The following HEATR4 variants were observed in gnomAD, a reference collection of about 807,000 sequenced individuals.
HEATR4 encodes the protein HEAT repeat containing 4.
Under a neutral mutation model 108.8 loss-of-function variants are expected in HEATR4, and 95 were observed. The observed-to-expected ratio is 0.87, with a 90% CI of 0.74 to 1.04. The LOEUF is 1.04. HEATR4 is among the 50% of genes least tolerant of loss of function. The pLI, the probability that HEATR4 is intolerant of heterozygous loss-of-function variation, is 0.00. For synonymous variants in HEATR4, 443 were observed against 459.4 expected (o/e 0.96, Z 0.46); for missense variants, 1,152 against 1,253.8 (o/e 0.92, Z 1.23).
the HEATR4 span, among the ~76,000 whole-genome samples, chr14:73,628,834 C>T: frequency 4.6e-5 from 7 of 151,828 alleles, no homozygotes; most frequent in East Asian, 3.9e-4. Context: ...GGTGGATGAC[C>T]GGAGGTCAGG....
At chr14:73,580,748 T>C in the HEATR4 span, 1 of 151,990 alleles carries the variant, frequency 6.6e-6, no homozygotes, top group South Asian at 2.1e-4. Flanking sequence ...GGTGTGTACT[T>C]AACAAGCATC....
intron 1 of HEATR4, among the ~76,000 whole-genome samples, chr14:73,558,282 A>G (rs369238828): frequency 0.073 from 9,377 of 128,080 alleles, 621 homozygotes; most frequent in African/African-American, 0.14. Context: ...CTAATTTTTT[A>G]CCATGCACTC....
intron 17 of HEATR4, chr14:73,491,852 G>C (rs1885775088): frequency 6.2e-7 from 1 of 1,609,658 alleles, no homozygotes; most frequent in Non-Finnish European, 8.5e-7. Flanking sequence ...GAACCCACCC[G>C]GCCGCGCGCT....
chr14:73,590,939 C>T, the HEATR4 span, among the ~76,000 whole-genome samples: 1 of 152,158 alleles, frequency 6.6e-6, no homozygotes, highest in Admixed American at 6.5e-5. Context: ...GCGCCAAGGC[C>T]GAGGAGGCGC....
intron 16 of HEATR4, among the ~76,000 whole-genome samples, chr14:73,495,026 A>C (rs1886019597): frequency 6.7e-6 from 1 of 149,266 alleles, no homozygotes; most frequent in South Asian, 2.1e-4. Context: ...TTTAAGGGAG[A>C]AAATAAATGA....
At chr14:73,590,399 G>A in the HEATR4 span, among the ~76,000 whole-genome samples, 3 of 152,254 alleles carry the variant, frequency 2.0e-5, no homozygotes, top group Non-Finnish European at 4.4e-5. Context: ...CCAGACTCAG[G>A]AGTCCAGCTG....
chr14:73,593,842 A>G, the HEATR4 span: 1 of 1,614,090 alleles, frequency 6.2e-7, no homozygotes, highest in Non-Finnish European at 8.5e-7. Flanking sequence ...CCCCAATAAC[A>G]TGGACAACAT....
chr14:73,595,807 T>G, the HEATR4 span: 1 of 931,638 alleles, frequency 1.1e-6, no homozygotes, highest in Non-Finnish European at 1.5e-6. Context: ...GCTTTGTCGT[T>G]AGTTTTACTA....
At chr14:73,609,970 C>CT in the HEATR4 span, among the ~76,000 whole-genome samples, 50 of 146,384 alleles carry the variant, frequency 3.4e-4, no homozygotes, top group African/African-American at 8.0e-4. Context: ...TTCCTCTACC[C>CT]TTTTTTTTTT....
chr14:73,587,869 C>T, the HEATR4 span, among the ~76,000 whole-genome samples: 1 of 152,222 alleles, frequency 6.6e-6, no homozygotes. Flanking sequence ...TGTTTTCCAA[C>T]ACATATTTTA....
chr14:73,488,355 C>G (rs1885532090), intron 17 of HEATR4, among the ~76,000 whole-genome samples: 2 of 152,154 alleles, frequency 1.3e-5, no homozygotes, highest in South Asian at 2.1e-4. Flanking sequence ...ACTGCGACCT[C>G]CACTTCCCGG....
At chr14:73,493,735 G>T (rs1292846346) in intron 16 of HEATR4, among the ~76,000 whole-genome samples, 2 of 152,180 alleles carry the variant, frequency 1.3e-5, no homozygotes, top group African/African-American at 4.8e-5. Context: ...CTACTAGGGG[G>T]GCTGAGGCAG....
the HEATR4 span, among the ~76,000 whole-genome samples, chr14:73,578,202 G>T: frequency 2.0e-5 from 3 of 149,864 alleles, no homozygotes; most frequent in African/African-American, 4.9e-5. Context: ...CAGGGGTTCA[G>T]ATCACCTATC....
At chr14:73,487,302 C>T (rs887370851) in intron 17 of HEATR4, among the ~76,000 whole-genome samples, 2 of 151,564 alleles carry the variant, frequency 1.3e-5, no homozygotes, top group Admixed American at 6.6e-5. Context: ...CACAGTGGCT[C>T]GCGCCTGTAA....
intron 9 of HEATR4, among the ~76,000 whole-genome samples, chr14:73,507,836 A>G (rs141205680): frequency 1.3e-5 from 2 of 152,112 alleles, no homozygotes; most frequent in Non-Finnish European, 2.9e-5. Context: ...TTCACCTCCC[A>G]GGCTGAAGTG....
In HEATR4 at chr14:73,504,270, C is replaced by T. The variant is rs764576355; in HGVS notation, c.1987-1257G>A. On this transcript the variant is annotated intron_variant, in intron 10 of 17. Transcript: ENST00000553558. ...TTTTTTTTTTTTTTTTGAGACGGAG[C>T]CTCGCTCTGTTGCCCAGGCTGGGGC... Among the ~76,000 whole-genome samples the T allele has an allele frequency of 3.7e-4, 55 of 148,264 alleles. 1 individual carries two copies. The highest frequency in any genetic ancestry group is 1.3e-4 in the Non-Finnish European group (9 of 67,016).
At chr14:73,589,178 T>C in the HEATR4 span, among the ~76,000 whole-genome samples, 1 of 152,184 alleles carries the variant, frequency 6.6e-6, no homozygotes, top group African/African-American at 2.4e-5. Context: ...GTATCCACCA[T>C]TACAGTATCA....
rs372145393 is a variant in HEATR4, at chr14:73,514,208, G to A, written c.1237C>T (p.Arg413Cys). 20 of 1,614,018 alleles carry A rather than the reference G, an allele frequency of 1.2e-5. No individual in the cohort carries two copies. Among genetic ancestry groups the A allele is most frequent in the East Asian group, 2.2e-5 (1 of 44,902 alleles). ...GCGGGGGTGGGCAAAGCAGTCCAGC[G>A]CAGGGCTCCTTGCACAGGTCTGTAA... ...ASYRPVQGALRWTALPTPAKD... is the reference protein window; with the variant it reads ...ASYRPVQGALCWTALPTPAKD... Residue 413 changes from arginine (R) to cysteine (C), a missense_variant, in exon 6 of 18, where the codon CGC becomes TGC. Transcript: ENST00000553558.
the HEATR4 span, among the ~76,000 whole-genome samples, chr14:73,587,357 C>CTT: frequency 2.0e-5 from 3 of 147,482 alleles, no homozygotes; most frequent in Admixed American, 6.8e-5. Flanking sequence ...GCAACATCCA[C>CTT]TTTTTTTTTT....
Sources: allele counts gnomAD v4.1 joint callset (sites outside exome capture counted in the v4.1 genomes callset), GRCh38; gene constraint gnomAD v4.1.1; transcripts MANE v1.5; gene names NCBI Gene and HGNC (gene_info 2026-07-23, HGNC 2026-07-21).